Variants in IL20RB observed in about 807,000 individuals in gnomAD.
The protein encoded by IL20RB is interleukin-20 receptor subunit beta.
Under a neutral mutation model 33.3 loss-of-function variants are expected in IL20RB, and 21 were observed. The observed-to-expected ratio is 0.63, with a 90% confidence interval of 0.45 to 0.91. The LOEUF (loss-of-function observed/expected upper bound fraction) is 0.91. IL20RB is among the 40% of genes least tolerant of loss of function. The pLI is 0.00. For synonymous variants in IL20RB, 147 were observed against 146.8 expected, an observed-to-expected ratio of 1.00 and a Z score of -0.01; for missense variants, 345 against 384.8, an observed-to-expected ratio of 0.90 and a Z score of 0.86.
chr3:136,995,516 A>G lies in IL20RB; in HGVS notation c.785A>G (p.Gln262Arg), dbSNP rs1269998865. 1.2e-6 allele frequency: 2 copies of G among 1,614,050 alleles called. No individual in the cohort carries two copies. Among genetic ancestry groups the G allele is most frequent in the South Asian group, 2.2e-5 (2 of 91,084 alleles). Residue 262 changes from glutamine to arginine, a missense_variant, in exon 6 of 7, where the codon CAG becomes CGG. Gln to Arg is a conservative substitution (Grantham distance 43, BLOSUM62 1). Transcript: ENST00000329582. The stretch of plus-strand genomic sequence containing the variant: ...GTCTGGAAAATGGGCCGGCTGCTCC[A>G]GTACTCCTGTTGCCCCGTGGTGGTC... ...LFVWKMGRLL[Q>R]YSCCPVVVLP...
chr3:137,007,000 G>T (rs1942362753), intron 6 of IL20RB, among the ~76,000 whole-genome samples: 1 of 152,208 alleles, frequency 6.6e-6, no homozygotes, highest in African/African-American at 2.4e-5. Context: ...CTTTCTGTTT[G>T]TTAGTTTTCC....
At chr3:137,001,409 A>G (rs1560077351) in intron 6 of IL20RB, among the ~76,000 whole-genome samples, 1 of 152,216 alleles carries the variant, frequency 6.6e-6, no homozygotes, top group Non-Finnish European at 1.5e-5. Context: ...CGTCCATTGA[A>G]TCCCGCACAA....
intron 6 of IL20RB, among the ~76,000 whole-genome samples, chr3:137,008,679 G>A (rs1481282415): frequency 5.3e-5 from 8 of 152,088 alleles, no homozygotes; most frequent in Admixed American, 2.0e-4. Context: ...AATGTGGCTC[G>A]TCCAAATTGA....
chr3:136,983,544 CA>C (rs1941832602), intron 3 of IL20RB, among the ~76,000 whole-genome samples: 1 of 152,110 alleles, frequency 6.6e-6, no homozygotes, highest in Non-Finnish European at 1.5e-5. Context: ...ATGATGAATC[CA>C]AGAAACATGG....
chr3:137,000,519 AAGC>A (rs1246459424), intron 6 of IL20RB, among the ~76,000 whole-genome samples: 2 of 152,232 alleles, frequency 1.3e-5, no homozygotes, highest in East Asian at 1.9e-4. Flanking sequence ...CCCTTCTTCC[AAGC>A]ATGAACTTTT....
At chr3:136,959,055 G>T (rs1018402918) in intron 1 of IL20RB, 5 of 152,076 alleles carry the variant, frequency 3.3e-5, no homozygotes, top group Admixed American at 6.6e-5. Flanking sequence ...TGTAGAACTG[G>T]CTTAAACATC....
intron 1 of IL20RB, among the ~76,000 whole-genome samples, chr3:136,962,965 T>C (rs1008766602): frequency 6.6e-6 from 1 of 152,226 alleles, no homozygotes; most frequent in East Asian, 1.9e-4. Flanking sequence ...AATATCTTAA[T>C]TTTTTATAAT....
At chr3:136,997,267 A>AT (rs1292030038) in intron 6 of IL20RB, among the ~76,000 whole-genome samples, 1 of 151,952 alleles carries the variant, frequency 6.6e-6, no homozygotes, top group Non-Finnish European at 1.5e-5. Context: ...TAATTTTTGT[A>AT]TTTTTAATAG....
chr3:137,001,561 G>A (rs1942242524), intron 6 of IL20RB, among the ~76,000 whole-genome samples: 1 of 152,158 alleles, frequency 6.6e-6, no homozygotes, highest in Admixed American at 6.5e-5. Flanking sequence ...TCCTTGCAAA[G>A]TCAACTCATC....
At chr3:137,006,535 T>C (rs574536788) in intron 6 of IL20RB, among the ~76,000 whole-genome samples, 26 of 152,306 alleles carry the variant, frequency 1.7e-4, no homozygotes, top group African/African-American at 6.0e-4. Flanking sequence ...CAGTGACTGA[T>C]ATCCTTTCTT....
chr3:136,990,744 C>A (rs1487658051), intron 4 of IL20RB, among the ~76,000 whole-genome samples: 1 of 152,198 alleles, frequency 6.6e-6, no homozygotes, highest in African/African-American at 2.4e-5. Flanking sequence ...AGAGCACATG[C>A]CTCACCACCC....
At chr3:136,991,118 C>T (rs1942023310) in intron 4 of IL20RB, among the ~76,000 whole-genome samples, 1 of 152,192 alleles carries the variant, frequency 6.6e-6, no homozygotes, top group Admixed American at 6.5e-5. Flanking sequence ...GACGGATGGA[C>T]AGATGGGTGG....
At chr3:136,981,197 C>A (rs561722752) in intron 2 of IL20RB, among the ~76,000 whole-genome samples, 1 of 152,170 alleles carries the variant, frequency 6.6e-6, no homozygotes, top group Admixed American at 6.5e-5. Flanking sequence ...GAGGAGGATA[C>A]AGATGATAAA....
At chr3:136,994,321 G>A (rs773475127) in intron 5 of IL20RB, among the ~76,000 whole-genome samples, 10 of 152,146 alleles carry the variant, frequency 6.6e-5, no homozygotes, top group Non-Finnish European at 1.2e-4. Context: ...TTGAGGGGAT[G>A]GCTACCTATT....
At chr3:136,959,782 C>G (rs1019299721) in intron 1 of IL20RB, among the ~76,000 whole-genome samples, 1 of 152,168 alleles carries the variant, frequency 6.6e-6, no homozygotes, top group Non-Finnish European at 1.5e-5. Flanking sequence ...CCAGAAAGAC[C>G]TGTGTGTGAG....
chr3:136,958,528 G>A (rs1290177650), intron 1 of IL20RB, among the ~76,000 whole-genome samples: 1 of 152,192 alleles, frequency 6.6e-6, no homozygotes, highest in African/African-American at 2.4e-5. Flanking sequence ...CAGACTTACT[G>A]TGTGTGTCTT....
chr3:136,989,608 A>G (rs1257730966), intron 4 of IL20RB, 43 bp downstream of exon 4: 1 of 1,609,260 alleles, frequency 6.2e-7, no homozygotes, highest in African/African-American at 1.3e-5. Flanking sequence ...TTCGGGAAAG[A>G]AGGCACAGAT....
At chr3:136,997,716 A>T (rs1270553244) in intron 6 of IL20RB, among the ~76,000 whole-genome samples, 2 of 150,802 alleles carry the variant, frequency 1.3e-5, no homozygotes, top group African/African-American at 4.9e-5. Context: ...TGTTATAATT[A>T]TTTTTTGGTA....
chr3:137,008,908 T>C (rs1458540341), intron 6 of IL20RB, among the ~76,000 whole-genome samples: 4 of 152,342 alleles, frequency 2.6e-5, no homozygotes, highest in African/African-American at 4.8e-5. Flanking sequence ...TCACATTATA[T>C]TTCTATTGGA....
Sources: allele counts gnomAD v4.1 joint callset (sites outside exome capture counted in the v4.1 genomes callset), GRCh38; gene constraint gnomAD v4.1.1; transcripts MANE v1.5; gene names NCBI Gene and HGNC (gene_info 2026-07-23, HGNC 2026-07-21).